Variants in DENND4C observed in about 807,000 individuals in gnomAD.
DENND4C encodes DENN domain containing 4C, also known as DENN domain-containing protein 4C.
DENND4C carries 108 observed loss-of-function variants against 203.0 expected under a neutral mutation model. The observed-to-expected ratio is 0.53, with a 90% confidence interval of 0.46 to 0.62. The LOEUF (loss-of-function observed/expected upper bound fraction) is 0.62, where lower values mean the gene tolerates loss of function less well. Among genes scored for constraint, DENND4C ranks in the 20% least tolerant of loss-of-function variants. DENND4C has a pLI of 0.00. For synonymous variants in DENND4C, 871 were observed against 792.4 expected (o/e 1.10, Z -1.67); for missense variants, 2,481 against 2,301.2 (o/e 1.08, Z -1.60).
At chr9:19,334,937 A>G in intron 17 of DENND4C, 40 bp from the exon 18 acceptor site, 1 of 1,536,672 alleles carries the variant, frequency 6.5e-7, no homozygotes, top group Non-Finnish European at 8.8e-7. Flanking sequence ...CAGATAGATT[A>G]GTATACTAAT....
At chr9:19,339,348 C>T (rs924265933) in intron 20 of DENND4C, among the ~76,000 whole-genome samples, 2 of 152,172 alleles carry the variant, frequency 1.3e-5, no homozygotes, top group Non-Finnish European at 2.9e-5. Flanking sequence ...TTTAGTCTTC[C>T]TTAACCTGGC....
chr9:19,250,312 CGT>C, intron 1 of DENND4C, among the ~76,000 whole-genome samples: 1 of 152,094 alleles, frequency 6.6e-6, no homozygotes, highest in African/African-American at 2.4e-5. Flanking sequence ...GGCATAGTGG[CGT>C]GCACCTGTAA....
intron 1 of DENND4C, among the ~76,000 whole-genome samples, chr9:19,272,686 C>T (rs1265070819): frequency 6.6e-6 from 1 of 152,116 alleles, no homozygotes; most frequent in Admixed American, 6.6e-5. Context: ...AATGTAAAAC[C>T]TAAAATTATA....
chr9:19,319,140 G>C (rs71508784), intron 12 of DENND4C, among the ~76,000 whole-genome samples: 6 of 148,742 alleles, frequency 4.0e-5, no homozygotes, highest in Non-Finnish European at 7.4e-5. Context: ...CTCCAGCCTG[G>C]GCAACAAGAG....
intron 1 of DENND4C, among the ~76,000 whole-genome samples, chr9:19,240,073 G>A (rs1823283050): frequency 6.6e-6 from 1 of 152,060 alleles, no homozygotes; most frequent in South Asian, 2.1e-4. Flanking sequence ...GTCAGTTTTT[G>A]CTGCATGCAC....
chr9:19,351,684 G>A (rs953967434), intron 24 of DENND4C, among the ~76,000 whole-genome samples: 1 of 151,862 alleles, frequency 6.6e-6, no homozygotes, highest in Non-Finnish European at 1.5e-5. Flanking sequence ...GCGTGCGCCT[G>A]TAATCCCAGC....
At chr9:19,340,581 C>T (rs1821380789) in intron 20 of DENND4C, among the ~76,000 whole-genome samples, 1 of 152,120 alleles carries the variant, frequency 6.6e-6, no homozygotes, top group Non-Finnish European at 1.5e-5. Flanking sequence ...CTTATTTCCC[C>T]CCAACCCTGG....
At chr9:19,288,734 A>C (rs984837643) in intron 4 of DENND4C, 69 bp downstream of exon 4, 1 of 820,738 alleles carries the variant, frequency 1.2e-6, no homozygotes, top group Non-Finnish European at 1.6e-6. Context: ...TGGCTAAAAG[A>C]GATAAAGTAT....
chr9:19,297,060 T>C (rs1458081122), intron 6 of DENND4C, among the ~76,000 whole-genome samples: 3 of 152,240 alleles, frequency 2.0e-5, no homozygotes, highest in Admixed American at 2.0e-4. Flanking sequence ...TTTTAAAGCA[T>C]CTTTTCTGAT....
intron 10 of DENND4C, 112 bp from the exon 11 acceptor site, chr9:19,316,305 C>A: frequency 1.3e-6 from 1 of 748,352 alleles, no homozygotes; most frequent in South Asian, 1.9e-5. Context: ...TCAGTTAAGA[C>A]TGTAGTAAAA....
At chr9:19,268,315 G>T (rs1183316585) in intron 1 of DENND4C, among the ~76,000 whole-genome samples, 1 of 152,070 alleles carries the variant, frequency 6.6e-6, no homozygotes, top group Non-Finnish European at 1.5e-5. Flanking sequence ...GTCCAGGCTG[G>T]TATTGAACGC....
intron 22 of DENND4C, 32 bp from the exon 23 acceptor site, chr9:19,345,889 G>C (rs904348660): frequency 1.3e-6 from 2 of 1,506,816 alleles, no homozygotes; most frequent in Non-Finnish European, 1.8e-6. Flanking sequence ...TGGAAAATAG[G>C]TTCATTGTTA....
chr9:19,233,867 G>C (rs1191587592), intron 1 of DENND4C, among the ~76,000 whole-genome samples: 1 of 152,184 alleles, frequency 6.6e-6, no homozygotes, highest in African/African-American at 2.4e-5. Context: ...ACAGGTGTGA[G>C]CCACCACACC....
intron 2 of DENND4C, among the ~76,000 whole-genome samples, chr9:19,281,799 A>G (rs1209702277): frequency 1.3e-5 from 2 of 152,222 alleles, no homozygotes; most frequent in African/African-American, 2.4e-5. Context: ...ACTATAGCCT[A>G]TTTTTCTTAG....
chr9:19,315,800 G>A (rs2131548429), intron 10 of DENND4C, among the ~76,000 whole-genome samples: 1 of 151,620 alleles, frequency 6.6e-6, no homozygotes, highest in South Asian at 2.1e-4. Flanking sequence ...CCGCCTCCTG[G>A]GTTCAAGTGA....
chr9:19,288,415 ACT>A (rs1220169997), intron 3 of DENND4C, among the ~76,000 whole-genome samples, 179 bp from the exon 4 acceptor site: 1 of 151,878 alleles, frequency 6.6e-6, no homozygotes, highest in Non-Finnish European at 1.5e-5. Flanking sequence ...TTGTTTTCTT[ACT>A]CTCTTATTTT....
Position 19,350,733 on chromosome 9 carries a change from C to G in DENND4C, c.4349C>G (p.Ala1450Gly). 1.2e-6 allele frequency: 2 copies of G among 1,613,164 alleles called. No individual in the cohort carries two copies. Among genetic ancestry groups the G allele is most frequent in the Non-Finnish European group, 8.5e-7 (1 of 1,179,740 alleles). ...ACTAATAGAGACTACAGCTTCCCAG[C>G]TGGCCTAGAAGACCATATTTTGGGG... Reference protein sequence around the residue: ...EETNRDYSFPAGLEDHILGEN... With the variant: ...EETNRDYSFPGGLEDHILGEN... The change falls in exon 24 of 33, where the codon GCT (alanine) becomes GGT (glycine). Residue 1450 changes from alanine to glycine, a missense_variant. By Grantham distance (60) the Ala-to-Gly change is moderately conservative (BLOSUM62 0). Around this residue, in one of 3 missense-constraint regions of DENND4C, gnomAD observed 2,289 missense variants for 2,113.3 expected, o/e 1.08. Coordinates refer to ENST00000434457, the MANE Select transcript of DENND4C (RefSeq NM_001330640.2).
chr9:19,296,248 T>TA lies in DENND4C; in HGVS notation c.1040+3dup. ...ACCACATCCTCTTCCCATTGAAAAG[T>TA]ATGTATAATGATTAGAAAGATGGCT... On this transcript the variant is annotated splice_region_variant and intron_variant, in intron 6 of 32. Coordinates refer to ENST00000434457, the MANE Select transcript of DENND4C (RefSeq NM_001330640.2). 1 of 1,575,744 alleles carries TA rather than the reference T, an allele frequency of 6.3e-7. No individual in the cohort carries two copies. Among genetic ancestry groups the TA allele is most frequent in the Non-Finnish European group, 8.7e-7 (1 of 1,147,106 alleles).
intron 1 of DENND4C, among the ~76,000 whole-genome samples, chr9:19,244,348 T>C (rs563659172): frequency 6.6e-5 from 10 of 152,202 alleles, no homozygotes; most frequent in Admixed American, 6.5e-4. Context: ...TTTTAATTTG[T>C]CCTATCTCTT....
Sources: gnomAD v4.1 joint callset for allele counts (sites outside exome capture counted in the v4.1 genomes callset) on GRCh38, gnomAD v4.1.1 for gene constraint, gnomAD v4.1.1 regional missense constraint, MANE v1.5 for transcripts, NCBI Gene and HGNC (gene_info 2026-07-23, HGNC 2026-07-21) for gene names.